Variants in AHR observed in about 807,000 individuals in gnomAD.
AHR encodes aryl hydrocarbon receptor.
Under a neutral mutation model 86.8 loss-of-function variants are expected in AHR, and 40 were observed. That is an observed-to-expected ratio of 0.46 (90% CI 0.36 to 0.60). The LOEUF (loss-of-function observed/expected upper bound fraction) is 0.60, where lower values mean the gene tolerates loss of function less well. Ranked by LOEUF, AHR falls within the 20% of genes least tolerant of loss-of-function variation. AHR has a pLI of 0.00. For missense variants in AHR, 1,001 were observed against 1,011.6 expected (o/e 0.99, Z 0.14); for synonymous variants, 398 against 354.9 (o/e 1.12, Z -1.37).
chr7:17,337,451 G>T (rs983466983), intron 9 of AHR, among the ~76,000 whole-genome samples: 1 of 151,382 alleles, frequency 6.6e-6, no homozygotes, highest in Non-Finnish European at 1.5e-5. Context: ...TATTACTGAA[G>T]GGGGGCATCT....
intron 10 of AHR, 135 bp from the exon 11 acceptor site, chr7:17,342,786 T>C (rs140124938): frequency 1.3e-6 from 1 of 778,192 alleles, no homozygotes; most frequent in Non-Finnish European, 2.0e-6. Flanking sequence ...GATTTAAAAT[T>C]TAGCAACAGT....
In AHR at chr7:17,323,657, A is replaced by G. The variant is rs186667178; in HGVS notation, c.360+1050A>G. 2.6e-4 allele frequency among the ~76,000 whole-genome samples: 39 copies of G among 152,264 alleles called. No homozygotes were observed. In the East Asian group the frequency reaches 6.6e-3, roughly 26 times the overall value. ...CAAAAAGTAACCCTAAGTTTCGGTA[A>G]CTCCACTAGTTCATTCAGTGGATGG... On this transcript the variant is annotated intron_variant, in intron 3 of 10. Coordinates refer to ENST00000242057, the MANE Select transcript of AHR (RefSeq NM_001621.5).
Position 17,298,857 on chromosome 7 carries a change from G to A in AHR, c.-408G>A. 1 of 398,778 alleles carries A rather than the reference G, an allele frequency of 2.5e-6. No individual in the cohort carries two copies. Among genetic ancestry groups the A allele is most frequent in the Non-Finnish European group, 4.4e-6 (1 of 226,204 alleles). 24.7% of individuals were successfully genotyped at this position (398,778 alleles called of 1,614,324 possible). A position where few individuals can be genotyped will look rare whatever the true frequency, so the allele number is the denominator to read the frequency against. ...CACCTCCCTCACCCAAGGGGCCGCG[G>A]CGACGGTCACGGGGCGCGGCGCCAC... On this transcript the variant is annotated 5_prime_UTR_variant, in exon 1 of 11. Transcript: ENST00000242057.
rs570280513 is a variant in AHR at position 17,329,908 on chromosome 7, T to G, written c.451-44T>G. 1.9e-6 allele frequency: 3 copies of G among 1,547,634 alleles called. No individual in the cohort carries two copies. The South Asian group carries it at 3.6e-5, about 19-fold the overall frequency. ...TTTAAAATTAATTTAGCCATATTTTTTAATCAGTCCTTTTGTTGTATTCCT... is the reference window on the plus strand; with the variant it reads ...TTTAAAATTAATTTAGCCATATTTTGTAATCAGTCCTTTTGTTGTATTCCT... On this transcript the variant is annotated intron_variant, in intron 4 of 10. Coordinates refer to ENST00000242057, the MANE Select transcript of AHR (RefSeq NM_001621.5).
intron 10 of AHR, 48 bp downstream of exon 10, chr7:17,340,276 C>T (rs1584043975): frequency 2.0e-6 from 3 of 1,528,478 alleles, no homozygotes; most frequent in Non-Finnish European, 2.6e-6. Context: ...ATTCTTTTTA[C>T]CTTATAGACA....
intron 3 of AHR, among the ~76,000 whole-genome samples, chr7:17,326,852 C>G (rs1409843167): frequency 6.6e-6 from 1 of 152,084 alleles, no homozygotes; most frequent in East Asian, 1.9e-4. Flanking sequence ...TAGCTGTGAT[C>G]ACATAGTAAA....
At chr7:17,333,732 A>C (rs531949386) in intron 6 of AHR, among the ~76,000 whole-genome samples, 180 bp from the exon 7 acceptor site, 1 of 151,854 alleles carries the variant, frequency 6.6e-6, no homozygotes, top group Admixed American at 6.6e-5. Context: ...TTACTCTTTG[A>C]GATAGATTTA....
At chr7:17,318,357 A>G (rs557111072) in intron 2 of AHR, among the ~76,000 whole-genome samples, 1 of 152,222 alleles carries the variant, frequency 6.6e-6, no homozygotes, top group East Asian at 1.9e-4. Flanking sequence ...TGCATGTGGG[A>G]ATAAAACTTG....
chr7:17,330,551 A>G (rs1782277388), intron 5 of AHR, among the ~76,000 whole-genome samples: 1 of 151,916 alleles, frequency 6.6e-6, no homozygotes, highest in African/African-American at 2.4e-5. Flanking sequence ...AGCTCAATAA[A>G]AATTTAAAAA....
chr7:17,310,894 T>G (rs1269637099), intron 2 of AHR, among the ~76,000 whole-genome samples: 2 of 152,136 alleles, frequency 1.3e-5, no homozygotes, highest in East Asian at 3.8e-4. Flanking sequence ...TTAAAACATG[T>G]TTTTCACTAG....
At chr7:17,304,521 G>T (rs1394676001) in intron 1 of AHR, among the ~76,000 whole-genome samples, 1 of 152,006 alleles carries the variant, frequency 6.6e-6, no homozygotes, top group Non-Finnish European at 1.5e-5. Flanking sequence ...TCTTGTTTTG[G>T]TGTGGTTTTC....
At chr7:17,340,354 T>C (rs1250630910) in intron 10 of AHR, 126 bp downstream of exon 10, 4 of 1,314,310 alleles carry the variant, frequency 3.0e-6, no homozygotes, top group Non-Finnish European at 4.0e-6. Context: ...ACAGCATTTT[T>C]TATTATATCT....
chr7:17,323,464 C>A (rs979044568), intron 3 of AHR, among the ~76,000 whole-genome samples: 3 of 151,916 alleles, frequency 2.0e-5, no homozygotes, highest in Admixed American at 6.6e-5. Context: ...TCTTTTTTTA[C>A]TCTTTTTTTT....
intron 9 of AHR, among the ~76,000 whole-genome samples, chr7:17,336,909 T>C (rs570729398): frequency 3.9e-5 from 6 of 152,292 alleles, no homozygotes; most frequent in African/African-American, 1.4e-4. Context: ...TTATGTCTGC[T>C]CATTATTATT....
rs373123275 is a variant in AHR, at chr7:17,340,135, G to C, written c.2310G>C (p.Ser770=). ...AGACATGTTATGCTGGGGCCGTGTCGATGTATCAGTGCCAGCCAGAACCTC... is the reference window on the plus strand; with the variant it reads ...AGACATGTTATGCTGGGGCCGTGTCCATGTATCAGTGCCAGCCAGAACCTC... ...TPQTCYAGAV[S]MYQCQPEPQH... is the part of the protein sequence containing the mutation. Residue 770 remains serine (S), a synonymous_variant, in exon 10 of 11, where the codon TCG becomes TCC. Transcript: ENST00000242057. The C allele has an allele frequency of 5.6e-6, 9 of 1,614,058 alleles. No individual in the cohort carries two copies. The highest frequency in any genetic ancestry group is 2.2e-5 in the East Asian group (1 of 44,898).
At chr7:17,341,397 G>C (rs1782422279) in intron 10 of AHR, among the ~76,000 whole-genome samples, 1 of 152,152 alleles carries the variant, frequency 6.6e-6, no homozygotes, top group South Asian at 2.1e-4. Context: ...AAATTGTACA[G>C]AAGTTAATTC....
chr7:17,303,461 T>C (rs1218657505), intron 1 of AHR, among the ~76,000 whole-genome samples: 1 of 152,100 alleles, frequency 6.6e-6, no homozygotes, highest in Non-Finnish European at 1.5e-5. Context: ...AAATAAATTA[T>C]TTGTCATTTC....
intron 9 of AHR, among the ~76,000 whole-genome samples, chr7:17,337,770 C>G (rs191648918): frequency 2.0e-5 from 3 of 151,660 alleles, no homozygotes; most frequent in Admixed American, 6.6e-5. Context: ...CCACCGCGCC[C>G]GGCCCTTTTT....
rs35597379 is a variant in AHR, at chr7:17,340,977, TA to T, written c.2403+760del. On this transcript the variant is annotated intron_variant, in intron 10 of 10. Transcript: ENST00000242057. The stretch of plus-strand genomic sequence containing the variant: ...CACTTTAAATCTAAAAATGATCACT[TA>T]AAAAAAAAAAGTTAACATAATGTCA... Among the ~76,000 whole-genome samples, 221 of 147,434 alleles carry T rather than the reference TA, an allele frequency of 1.5e-3. 1 individual carries two copies. The highest frequency in any genetic ancestry group is 4.6e-3 in the African/African-American group (187 of 40,550).
Sources: allele counts gnomAD v4.1 joint callset (sites outside exome capture counted in the v4.1 genomes callset), GRCh38; gene constraint gnomAD v4.1.1; transcripts MANE v1.5; gene names NCBI Gene and HGNC (gene_info 2026-07-23, HGNC 2026-07-21).